Variants in ARSJ observed in about 807,000 individuals in gnomAD.
ARSJ encodes the protein arylsulfatase family member J, also known as arylsulfatase J.
In ARSJ, 26 loss-of-function variants were observed where a neutral mutation model predicts 35.9. The observed-to-expected ratio is 0.72, with a 90% confidence interval of 0.53 to 1.00. The LOEUF is 1.00. Ranked by LOEUF, ARSJ falls within the 50% of genes least tolerant of loss-of-function variation. The probability of loss-of-function intolerance (pLI) is 0.00; values close to 1 mark genes in which losing one functional copy is unlikely to be tolerated. For synonymous variants in ARSJ, 294 were observed against 267.6 expected (o/e 1.10, Z -0.96); for missense variants, 667 against 723.6 (o/e 0.92, Z 0.90).
intron 1 of ARSJ, among the ~76,000 whole-genome samples, chr4:113,945,176 C>A (rs1373526659): frequency 6.6e-6 from 1 of 151,994 alleles, no homozygotes; most frequent in African/African-American, 2.4e-5. Context: ...GGGTCTTACT[C>A]TTGTCACCCA....
intron 1 of ARSJ, among the ~76,000 whole-genome samples, chr4:113,907,907 G>T (rs958898144): frequency 2.0e-5 from 3 of 152,100 alleles, no homozygotes; most frequent in African/African-American, 7.2e-5. Flanking sequence ...TGAACACAAA[G>T]AAGGGAACAA....
rs868431800 is a variant in ARSJ at position 113,901,331 on chromosome 4, T to A, written c.*943A>T. 6.6e-6 allele frequency: 1 copy of A among 152,216 alleles called. No individual in the cohort carries two copies. The highest frequency in any genetic ancestry group is 2.4e-5 in the African/African-American group (1 of 41,464). 9.4% of individuals were successfully genotyped at this position (152,216 alleles called of 1,614,324 possible). Reference sequence around the variant, plus strand: ...ATCTTATTACATTCAAAATCTTGGTTGAACAATGACGATTATAAAGTTTTC... The same window carrying A: ...ATCTTATTACATTCAAAATCTTGGTAGAACAATGACGATTATAAAGTTTTC... On this transcript the variant is annotated 3_prime_UTR_variant, in exon 2 of 2. Transcript: ENST00000315366.
intron 1 of ARSJ, among the ~76,000 whole-genome samples, chr4:113,915,045 C>G (rs7664232): frequency 0.71 from 106,844 of 151,378 alleles, 38,493 homozygotes; most frequent in East Asian, 0.81. Context: ...CCCAAGGCTA[C>G]AGGCATCTAG....
chr4:113,962,866 CTTCT>C (rs1007882300), intron 1 of ARSJ, among the ~76,000 whole-genome samples: 6 of 152,056 alleles, frequency 3.9e-5, no homozygotes, highest in Non-Finnish European at 5.9e-5. Context: ...CAGGATCTGG[CTTCT>C]TTAACTGCTT....
At chr4:113,947,476 T>C (rs906568791) in intron 1 of ARSJ, among the ~76,000 whole-genome samples, 9 of 150,024 alleles carry the variant, frequency 6.0e-5, no homozygotes, top group Admixed American at 4.7e-4. Flanking sequence ...TGAGATTCTG[T>C]TTCAAAAGAA....
At chr4:113,929,987 T>G (rs547002197) in intron 1 of ARSJ, among the ~76,000 whole-genome samples, 18 of 152,216 alleles carry the variant, frequency 1.2e-4, no homozygotes, top group Middle Eastern at 3.4e-3. Context: ...CTATCAGTGT[T>G]CTCTATGCTA....
Position 113,901,014 on chromosome 4 carries a change from T to C in ARSJ, c.*1260A>G, listed in dbSNP as rs1387171077. 1 of 152,192 alleles carries C rather than the reference T, an allele frequency of 6.6e-6. No homozygotes were observed. The highest frequency in any genetic ancestry group is 2.4e-5 in the African/African-American group (1 of 41,450). 9.4% of individuals were successfully genotyped at this position (152,192 alleles called of 1,614,324 possible). A position where few individuals can be genotyped will look rare whatever the true frequency, so the allele number is the denominator to read the frequency against. ...TTAGTTATTATTATGGGAAAATCTT[T>C]CTCCATGTCATAGCCAAGGGGAAGC... On this transcript the variant is annotated 3_prime_UTR_variant, in exon 2 of 2. Coordinates refer to ENST00000315366, the MANE Select transcript of ARSJ (RefSeq NM_024590.4).
intron 1 of ARSJ, among the ~76,000 whole-genome samples, chr4:113,909,395 G>A (rs931310310): frequency 1.3e-5 from 2 of 152,150 alleles, no homozygotes; most frequent in South Asian, 2.1e-4. Flanking sequence ...AATTGGAAAC[G>A]AAGTGCTAGA....
rs112897382 is a variant in ARSJ at position 113,945,431 on chromosome 4, C to T, written c.398+33006G>A. Among the ~76,000 whole-genome samples the T allele has an allele frequency of 3.9e-3, 587 of 152,192 alleles. 2 individuals carry two copies. Among genetic ancestry groups the T allele is most frequent in the African/African-American group, 0.013 (550 of 41,554 alleles). On this transcript the variant is annotated intron_variant, in intron 1 of 1. Transcript: ENST00000315366. ...GGAATTACAAGTGAGAGCCACCATA[C>T]GTGGCCCTTTTGTGGTGTCTCTTCA...
intron 1 of ARSJ, among the ~76,000 whole-genome samples, chr4:113,974,811 T>TTCTTGATAGATA (rs1727493138): frequency 6.6e-6 from 1 of 152,170 alleles, no homozygotes; most frequent in South Asian, 2.1e-4. Flanking sequence ...GGATTTCCAC[T>TTCTTGATAGATA]TCTTGATAGA....
At position 113,902,614 on chromosome 4, in the gene ARSJ, A is replaced by C; in HGVS notation, c.1460T>G (p.Leu487Trp). The C allele has an allele frequency of 6.2e-7, 1 of 1,614,132 alleles. No homozygotes were observed. The highest frequency in any genetic ancestry group is 1.1e-5 in the South Asian group (1 of 91,074). The change falls in exon 2 of 2, where the codon TTG (leucine) becomes TGG (tryptophan). Residue 487 changes from leucine to tryptophan, a missense_variant. By Grantham distance (61) the Leu-to-Trp change is moderately conservative. Coordinates refer to ENST00000315366, the MANE Select transcript of ARSJ (RefSeq NM_024590.4). ...AAGCCATACACTTTTGCCAGTTGAC[A>C]AGGTGATCCGTTCATTGTGCCACCG... ...PNRWHNERIT[L>W]STGKSVWLFN...
intron 1 of ARSJ, among the ~76,000 whole-genome samples, chr4:113,910,936 C>T (rs1431261869): frequency 1.3e-5 from 2 of 152,128 alleles, no homozygotes; most frequent in African/African-American, 4.8e-5. Flanking sequence ...AGAGTCAGGA[C>T]ACCTCTCAGA....
Position 113,976,614 on chromosome 4 carries a change from C to A in ARSJ, c.398+1823G>T, listed in dbSNP as rs574667455. ...GTGTTCATTTAAATGAAGGTTCCAG[C>A]AATTTGTCTAAAAGGAGAAATTGCA... On this transcript the variant is annotated intron_variant, in intron 1 of 1. Coordinates refer to ENST00000315366, the MANE Select transcript of ARSJ (RefSeq NM_024590.4). Among the ~76,000 whole-genome samples the A allele has an allele frequency of 2.6e-5, 4 of 152,284 alleles. No individual in the cohort carries two copies. In the South Asian group the frequency reaches 6.2e-4, roughly 24 times the overall value.
chr4:113,945,085 A>T lies in ARSJ; in HGVS notation c.398+33352T>A, dbSNP rs76008054. Reference sequence around the variant, plus strand: ...TAACAAGAGTAAAAATAGTGCAGACATTTTTGAAGTCCAAATAGAAACTTA... The same window carrying T: ...TAACAAGAGTAAAAATAGTGCAGACTTTTTTGAAGTCCAAATAGAAACTTA... On this transcript the variant is annotated intron_variant, in intron 1 of 1. Transcript: ENST00000315366. Among the ~76,000 whole-genome samples, 199 of 152,234 alleles carry T rather than the reference A, an allele frequency of 1.3e-3. 3 individuals are homozygous for T. In the East Asian group the frequency reaches 0.033, roughly 26 times the overall value.
intron 1 of ARSJ, among the ~76,000 whole-genome samples, chr4:113,939,114 A>G (rs1307979742): frequency 1.5e-5 from 2 of 130,954 alleles, no homozygotes; most frequent in Admixed American, 9.0e-5. Flanking sequence ...GCCTGTGTCC[A>G]TGTGTTCTCA....
At chr4:113,962,310 T>C (rs1244028430) in intron 1 of ARSJ, among the ~76,000 whole-genome samples, 7 of 151,670 alleles carry the variant, frequency 4.6e-5, no homozygotes, top group Admixed American at 3.9e-4. Context: ...CCACTTACTA[T>C]GATAAAAGAA....
rs1418475007 is a variant in ARSJ at position 113,977,413 on chromosome 4, C to T, written c.398+1024G>A. 4.6e-5 allele frequency among the ~76,000 whole-genome samples: 7 copies of T among 152,286 alleles called. No homozygotes were observed. The East Asian group carries it at 1.2e-3, about 25-fold the overall frequency. ...GAGACAGAGATTCTTACAAAATAGT[C>T]TTTATTTTTCCAATGGATACTGGCT... On this transcript the variant is annotated intron_variant, in intron 1 of 1. Coordinates refer to ENST00000315366, the MANE Select transcript of ARSJ (RefSeq NM_024590.4).
intron 1 of ARSJ, among the ~76,000 whole-genome samples, chr4:113,951,376 G>A (rs1725855571): frequency 6.6e-6 from 1 of 151,990 alleles, no homozygotes; most frequent in Non-Finnish European, 1.5e-5. Context: ...AGATCTCCTT[G>A]GCACACACTT....
At chr4:113,966,662 T>C (rs1235607774) in intron 1 of ARSJ, among the ~76,000 whole-genome samples, 2 of 152,218 alleles carry the variant, frequency 1.3e-5, no homozygotes, top group African/African-American at 4.8e-5. Context: ...GGACACATAA[T>C]ATAGGAAGGT....
Sources: gnomAD v4.1 joint callset for allele counts (sites outside exome capture counted in the v4.1 genomes callset) on GRCh38, gnomAD v4.1.1 for gene constraint, MANE v1.5 for transcripts, NCBI Gene and HGNC (gene_info 2026-07-23, HGNC 2026-07-21) for gene names.